The following TRDN variants were observed in gnomAD, a reference collection of about 807,000 sequenced individuals.
The protein encoded by TRDN is triadin.
In TRDN, 161 loss-of-function variants were observed where a neutral mutation model predicts 149.7. The ratio of observed to expected loss-of-function variants is 1.08; its 90% confidence interval spans 0.95 to 1.23. TRDN has a LOEUF of 1.23. Among genes scored for constraint, TRDN ranks in the 50% most tolerant of loss-of-function variants. The pLI is 0.00. For synonymous variants in TRDN, 294 were observed against 250.5 expected, an observed-to-expected ratio of 1.17 and a Z score of -1.64; for missense variants, 896 against 823.5, an observed-to-expected ratio of 1.09 and a Z score of -1.08.
rs200710194 is a variant in TRDN, at chr6:123,463,346, A to AAAAT, written c.931+1559_931+1560insATTT. Among the ~76,000 whole-genome samples the AAAAT allele has an allele frequency of 9.0e-3, 1,285 of 142,876 alleles. 12 individuals carry two copies. Among genetic ancestry groups the AAAAT allele is most frequent in the African/African-American group, 0.03 (1,195 of 39,728 alleles). 93.7% of individuals were successfully genotyped at this position (142,876 alleles called of 152,430 possible). On this transcript the variant is annotated intron_variant, in intron 10 of 40. Coordinates refer to ENST00000334268, the MANE Select transcript of TRDN (RefSeq NM_006073.4). ...GAGCAAGACTCCGTCTCAAGAAAAA[A>AAAAT]AAAAAATAAATAATAAATAAATAAA...
intron 26 of TRDN, among the ~76,000 whole-genome samples, chr6:123,276,311 G>C (rs980609438): frequency 3.3e-5 from 5 of 152,040 alleles, no homozygotes; most frequent in African/African-American, 1.2e-4. Context: ...GGCCACTAAA[G>C]GAAAGGTAAT....
chr6:123,525,605 T>C lies in TRDN; in HGVS notation c.484+4901A>G, dbSNP rs80019951. Among the ~76,000 whole-genome samples, 528 of 152,172 alleles carry C rather than the reference T, an allele frequency of 3.5e-3. 24 individuals carry two copies. The East Asian group carries it at 0.091, about 26-fold the overall frequency. ...CCTATTGAGTATTATGTTGAATATTTGGGTGATGGACACACTAGAAGAGCT... is the reference window on the plus strand; with the variant it reads ...CCTATTGAGTATTATGTTGAATATTCGGGTGATGGACACACTAGAAGAGCT... On this transcript the variant is annotated intron_variant, in intron 5 of 40. Transcript: ENST00000334268.
intron 12 of TRDN, among the ~76,000 whole-genome samples, chr6:123,403,570 T>C (rs77453334): frequency 0.011 from 1,707 of 152,084 alleles, 28 homozygotes; most frequent in African/African-American, 0.039. Context: ...CCAGAATGTG[T>C]GGGAAGAAAT....
intron 1 of TRDN, among the ~76,000 whole-genome samples, chr6:123,611,644 G>C (rs2114680316): frequency 6.6e-6 from 1 of 152,210 alleles, no homozygotes; most frequent in Non-Finnish European, 1.5e-5. Context: ...GATCAAAAAA[G>C]CTGCATTTCA....
At chr6:123,526,233 GC>G (rs1236327140) in intron 5 of TRDN, among the ~76,000 whole-genome samples, 2 of 151,980 alleles carry the variant, frequency 1.3e-5, no homozygotes, top group African/African-American at 4.8e-5. Context: ...AATTAGGTAA[GC>G]CCACATCAGG....
rs191052651 is a variant in TRDN at position 123,433,180 on chromosome 6, T to C, written c.1051+4883A>G. Among the ~76,000 whole-genome samples the C allele has an allele frequency of 4.6e-3, 610 of 133,476 alleles. 13 individuals carry two copies. The highest frequency in any genetic ancestry group is 0.016 in the African/African-American group (579 of 35,968). The allele number at this position is 133,476 out of a possible 152,430, so 87.6% of individuals were successfully genotyped here. On this transcript the variant is annotated intron_variant, in intron 12 of 40. Transcript: ENST00000334268. ...TATATATAATATATATATATATATA[T>C]ATACATCACACAATGATCCAGCAAT...
At chr6:123,372,580 C>T (rs545344703) in intron 19 of TRDN, among the ~76,000 whole-genome samples, 18 of 152,214 alleles carry the variant, frequency 1.2e-4, no homozygotes, top group African/African-American at 4.3e-4. Flanking sequence ...CCCTAAGGTC[C>T]TTGAGGTGGA....
At chr6:123,529,772 C>T (rs1780139619) in intron 5 of TRDN, among the ~76,000 whole-genome samples, 1 of 151,936 alleles carries the variant, frequency 6.6e-6, no homozygotes, top group South Asian at 2.1e-4. Flanking sequence ...TTTGCCCTGG[C>T]TCATTCAAAA....
intron 9 of TRDN, chr6:123,488,822 CTG>C (rs1778084798): frequency 6.6e-6 from 1 of 151,450 alleles, no homozygotes. Flanking sequence ...ATACTGAAGA[CTG>C]TGGAATTCGG....
chr6:123,486,605 T>G (rs1462760566), intron 9 of TRDN, among the ~76,000 whole-genome samples: 1 of 151,992 alleles, frequency 6.6e-6, no homozygotes, highest in Non-Finnish European at 1.5e-5. Flanking sequence ...TAGGGCCAAT[T>G]ACATAACCTT....
intron 24 of TRDN, among the ~76,000 whole-genome samples, chr6:123,293,950 C>CT (rs2114656018): frequency 6.6e-6 from 1 of 152,182 alleles, no homozygotes; most frequent in East Asian, 1.9e-4. Flanking sequence ...AGTGATGGGA[C>CT]TAGCAGCACC....
At chr6:123,340,804 A>G (rs1780038270) in intron 21 of TRDN, among the ~76,000 whole-genome samples, 1 of 152,020 alleles carries the variant, frequency 6.6e-6, no homozygotes, top group Non-Finnish European at 1.5e-5. Context: ...GATATCTGAT[A>G]ATTTCCCAGA....
At chr6:123,587,099 G>A (rs1783533183) in intron 1 of TRDN, among the ~76,000 whole-genome samples, 1 of 151,994 alleles carries the variant, frequency 6.6e-6, no homozygotes, top group Non-Finnish European at 1.5e-5. Context: ...AGGTGGAAAA[G>A]AGGTAGAGAC....
intron 1 of TRDN, among the ~76,000 whole-genome samples, chr6:123,615,147 A>C (rs1785019501): frequency 6.6e-6 from 1 of 152,182 alleles, no homozygotes; most frequent in Non-Finnish European, 1.5e-5. Flanking sequence ...AAGACAAAAG[A>C]TAATAAATAA....
chr6:123,351,904 T>C, intron 21 of TRDN: 1 of 984,914 alleles, frequency 1.0e-6, no homozygotes, highest in Non-Finnish European at 1.2e-6. Context: ...ATGTTTTAAG[T>C]TTAGTGTACT....
At chr6:123,243,810 T>C (rs1268048708) in intron 38 of TRDN, among the ~76,000 whole-genome samples, 1 of 151,922 alleles carries the variant, frequency 6.6e-6, no homozygotes, top group Non-Finnish European at 1.5e-5. Context: ...ACAGTTAGGA[T>C]GACATAAAGT....
chr6:123,457,335 G>A (rs1776185867), intron 10 of TRDN, among the ~76,000 whole-genome samples: 1 of 152,180 alleles, frequency 6.6e-6, no homozygotes. Context: ...TATCTTGGCA[G>A]CTGTAGAGGG....
rs183183050 is a variant in TRDN, at chr6:123,525,936, C to T, written c.484+4570G>A. ...ACTATATCCTAGTCTCTGGAATCTG[C>T]GAATGTTACATATATATATGGACTT... On this transcript the variant is annotated intron_variant, in intron 5 of 40. Transcript: ENST00000334268. Among the ~76,000 whole-genome samples, 723 of 151,984 alleles carry T rather than the reference C, an allele frequency of 4.8e-3. 9 individuals carry two copies. The highest frequency in any genetic ancestry group is 0.017 in the African/African-American group (688 of 41,484).
At chr6:123,222,738 A>T (rs1025512302) in intron 39 of TRDN, among the ~76,000 whole-genome samples, 6 of 151,712 alleles carry the variant, frequency 4.0e-5, no homozygotes, top group Non-Finnish European at 7.4e-5. Flanking sequence ...TTATATGCAA[A>T]CTGTGTACCT....
Sources: gnomAD v4.1 joint callset for allele counts (sites outside exome capture counted in the v4.1 genomes callset) on GRCh38, gnomAD v4.1.1 for gene constraint, MANE v1.5 for transcripts, NCBI Gene and HGNC (gene_info 2026-07-23, HGNC 2026-07-21) for gene names.